Variants in CDH13 observed in about 807,000 individuals in gnomAD.
CDH13 encodes cadherin-13.
In CDH13, 24 loss-of-function variants were observed where a neutral mutation model predicts 63.8. The observed-to-expected ratio is 0.38, with a 90% CI of 0.27 to 0.53. The LOEUF is 0.53. Among genes scored for constraint, CDH13 ranks in the 20% least tolerant of loss-of-function variants. The pLI is 0.85. For missense variants in CDH13, 1,049 were observed against 903.1 expected (o/e 1.16, Z -2.07); for synonymous variants, 503 against 355.3 (o/e 1.42, Z -4.67).
chr16:82,705,835 C>T (rs2031441442), intron 1 of CDH13, among the ~76,000 whole-genome samples: 1 of 152,210 alleles, frequency 6.6e-6, no homozygotes, highest in Non-Finnish European at 1.5e-5. Flanking sequence ...CACGCATTCT[C>T]TGCCAAGTGA....
At chr16:83,432,130 T>G (rs1432243882) in intron 6 of CDH13, among the ~76,000 whole-genome samples, 1 of 152,126 alleles carries the variant, frequency 6.6e-6, no homozygotes, top group Non-Finnish European at 1.5e-5. Flanking sequence ...TTGAGAGTGG[T>G]CAGATTGTGG....
At chr16:82,659,274 C>T (rs1314779765) in intron 1 of CDH13, among the ~76,000 whole-genome samples, 3 of 152,156 alleles carry the variant, frequency 2.0e-5, no homozygotes, top group Admixed American at 6.5e-5. Flanking sequence ...TTGCCAGCAG[C>T]ATTGTGGAAA....
chr16:83,662,728 G>T (rs114405061), intron 8 of CDH13, among the ~76,000 whole-genome samples: 1 of 152,124 alleles, frequency 6.6e-6, no homozygotes, highest in Admixed American at 6.5e-5. Flanking sequence ...CCATCAAAGG[G>T]ACCACTCACC....
chr16:83,232,549 C>CAAAAAAA (rs752481819), intron 5 of CDH13, among the ~76,000 whole-genome samples: 3 of 104,460 alleles, frequency 2.9e-5, no homozygotes, highest in Admixed American at 9.2e-5. Flanking sequence ...CAACAACAAA[C>CAAAAAAA]AAACAAAAAA....
intron 5 of CDH13, among the ~76,000 whole-genome samples, chr16:83,235,974 A>G (rs2040131321): frequency 6.6e-6 from 1 of 152,042 alleles, no homozygotes. Flanking sequence ...TGCAATTGAA[A>G]CTCATGATGC....
chr16:83,591,229 C>T (rs1171243572), intron 7 of CDH13, among the ~76,000 whole-genome samples: 1 of 152,156 alleles, frequency 6.6e-6, no homozygotes, highest in Non-Finnish European at 1.5e-5. Context: ...TTTCAAGAAG[C>T]AGTGACTCTG....
chr16:83,029,912 A>C (rs1446840183), intron 2 of CDH13, among the ~76,000 whole-genome samples: 1 of 152,244 alleles, frequency 6.6e-6, no homozygotes, highest in Non-Finnish European at 1.5e-5. Flanking sequence ...GAGACCAAAA[A>C]GCACGTAGTA....
At chr16:83,784,718 T>A (rs1008630142) in intron 13 of CDH13, among the ~76,000 whole-genome samples, 1 of 151,540 alleles carries the variant, frequency 6.6e-6, no homozygotes, top group African/African-American at 2.4e-5. Flanking sequence ...GAACATATCA[T>A]CTTCCCCTCC....
chr16:83,044,724 G>A (rs1917621784), intron 3 of CDH13, among the ~76,000 whole-genome samples: 1 of 152,230 alleles, frequency 6.6e-6, no homozygotes, highest in African/African-American at 2.4e-5. Context: ...AGGACAGTGA[G>A]ACTCAGAGGT....
At chr16:83,308,111 G>C (rs1360284406) in intron 5 of CDH13, among the ~76,000 whole-genome samples, 2 of 152,182 alleles carry the variant, frequency 1.3e-5, no homozygotes, top group Admixed American at 1.3e-4. Context: ...GGGAATCAGA[G>C]ATAAATATAC....
intron 5 of CDH13, among the ~76,000 whole-genome samples, chr16:83,273,845 C>T (rs1201130208): frequency 6.6e-6 from 1 of 152,110 alleles, no homozygotes; most frequent in Non-Finnish European, 1.5e-5. Context: ...AAAATTGAGG[C>T]TCAGAGGGGT....
chr16:82,686,728 C>G (rs763079547), intron 1 of CDH13, among the ~76,000 whole-genome samples: 25 of 152,150 alleles, frequency 1.6e-4, no homozygotes, highest in African/African-American at 5.3e-4. Flanking sequence ...CAGAATGTTG[C>G]TTGATGCACA....
Position 83,129,695 on chromosome 16 carries a change from G to A in CDH13, c.483+4194G>A, listed in dbSNP as rs1390121403. Among the ~76,000 whole-genome samples the A allele has an allele frequency of 2.0e-5, 3 of 152,168 alleles. No individual in the cohort carries two copies. In the East Asian group the frequency reaches 5.8e-4, roughly 29 times the overall value. On this transcript the variant is annotated intron_variant, in intron 4 of 13. Transcript: ENST00000567109. ...TTCCCTGGCATATCTGGTCTGCCCT[G>A]CACTCTGTGCACTGACGCGACAGCC...
intron 7 of CDH13, among the ~76,000 whole-genome samples, chr16:83,490,048 C>CACACAG (rs530046272): frequency 0.035 from 5,218 of 150,218 alleles, 131 homozygotes; most frequent in Non-Finnish European, 0.045. Context: ...CACACACACA[C>CACACAG]AGCTCACCAG....
At chr16:83,736,911 TGAG>T (rs1195470731) in intron 10 of CDH13, among the ~76,000 whole-genome samples, 1 of 151,974 alleles carries the variant, frequency 6.6e-6, no homozygotes, top group African/African-American at 2.4e-5. Flanking sequence ...GAACAGGTGG[TGAG>T]GAGGTTTTCA....
At chr16:82,668,345 G>T (rs1189794316) in intron 1 of CDH13, among the ~76,000 whole-genome samples, 1 of 152,136 alleles carries the variant, frequency 6.6e-6, no homozygotes, top group Non-Finnish European at 1.5e-5. Context: ...TAATTAAAGG[G>T]TGCCTAGGAC....
chr16:82,956,097 C>CT (rs1022471682), intron 2 of CDH13, among the ~76,000 whole-genome samples: 12 of 152,090 alleles, frequency 7.9e-5, no homozygotes, highest in Admixed American at 2.6e-4. Context: ...CAGCCCCAGA[C>CT]TTTTTTTTCC....
intron 7 of CDH13, among the ~76,000 whole-genome samples, chr16:83,508,100 G>GGAAGGAAGGAAGGA (rs1567722270): frequency 1.7e-3 from 104 of 59,656 alleles, no homozygotes; most frequent in African/African-American, 6.0e-3. Context: ...AGGAAGGAAA[G>GGAAGGAAGGAAGGA]AAGGAAGGAA....
chr16:82,924,799 G>A (rs2042254677), intron 2 of CDH13, among the ~76,000 whole-genome samples: 1 of 152,034 alleles, frequency 6.6e-6, no homozygotes, highest in Non-Finnish European at 1.5e-5. Context: ...TTGAGCAATG[G>A]AACCAGCTAA....
Sources: gnomAD v4.1 joint callset for allele counts (sites outside exome capture counted in the v4.1 genomes callset) on GRCh38, gnomAD v4.1.1 for gene constraint, MANE v1.5 for transcripts, NCBI Gene and HGNC (gene_info 2026-07-23, HGNC 2026-07-21) for gene names.